KHDRBS2: variants seen among roughly 807,000 people sequenced by gnomAD.
KHDRBS2 encodes the protein KH RNA binding domain containing, signal transduction associated 2.
Under a neutral mutation model 44.3 loss-of-function variants are expected in KHDRBS2, and 26 were observed. That is an observed-to-expected ratio of 0.59 (90% CI 0.43 to 0.81). The LOEUF is 0.81. Ranked by LOEUF, KHDRBS2 falls within the 40% of genes least tolerant of loss-of-function variation. The pLI, the probability that KHDRBS2 is intolerant of heterozygous loss-of-function variation, is 0.00. For synonymous variants in KHDRBS2, 194 were observed against 151.1 expected, an observed-to-expected ratio of 1.28 and a Z score of -2.08; for missense variants, 476 against 433.1, an observed-to-expected ratio of 1.10 and a Z score of -0.88.
the KHDRBS2 span, among the ~76,000 whole-genome samples, chr6:61,649,213 G>C: frequency 6.6e-6 from 1 of 152,092 alleles, no homozygotes; most frequent in African/African-American, 2.4e-5. Context: ...ATGGTGGGGA[G>C]TCTGTGTCAA....
intron 2 of KHDRBS2, among the ~76,000 whole-genome samples, chr6:62,169,581 C>A (rs977302479): frequency 2.8e-4 from 42 of 151,998 alleles, no homozygotes; most frequent in African/African-American, 1.0e-3. Flanking sequence ...TGGGCAGTAG[C>A]CCTTATGGAA....
intron 4 of KHDRBS2, among the ~76,000 whole-genome samples, chr6:61,958,212 C>G (rs184383092): frequency 6.6e-6 from 1 of 152,218 alleles, no homozygotes; most frequent in East Asian, 1.9e-4. Flanking sequence ...TTCTTAATTT[C>G]TTTGTGGACA....
chr6:61,942,782 G>T lies in KHDRBS2; in HGVS notation c.483+35284C>A, dbSNP rs755733028. On this transcript the variant is annotated intron_variant, in intron 4 of 8. Transcript: ENST00000281156. ...CTCTACAGCATCTTGAAGTCAAACT[G>T]CTTAAAGTGAAAAACAAAGAGAGAA... Among the ~76,000 whole-genome samples, 265 of 152,082 alleles carry T rather than the reference G, an allele frequency of 1.7e-3. 1 individual carries two copies. Among genetic ancestry groups the T allele is most frequent in the Non-Finnish European group, 2.7e-3 (182 of 67,956 alleles).
intron 2 of KHDRBS2, among the ~76,000 whole-genome samples, chr6:62,098,065 C>T (rs1237778009): frequency 1.3e-5 from 2 of 151,998 alleles, no homozygotes; most frequent in Non-Finnish European, 2.9e-5. Context: ...TTTTAATGTT[C>T]AACTTTACAT....
the KHDRBS2 span, among the ~76,000 whole-genome samples, chr6:61,657,526 T>C: frequency 8.6e-5 from 13 of 151,966 alleles, no homozygotes; most frequent in Non-Finnish European, 1.8e-4. Flanking sequence ...GTTTTTGTGA[T>C]CTTTTCACTG....
intron 6 of KHDRBS2, among the ~76,000 whole-genome samples, chr6:61,737,926 G>T (rs1273387586): frequency 6.6e-6 from 1 of 151,950 alleles, no homozygotes; most frequent in Non-Finnish European, 1.5e-5. Flanking sequence ...AATATGCATT[G>T]TGCTGATGAT....
intron 2 of KHDRBS2, among the ~76,000 whole-genome samples, chr6:62,093,579 A>G (rs896815547): frequency 2.0e-5 from 3 of 152,030 alleles, no homozygotes; most frequent in East Asian, 3.9e-4. Context: ...CTACTATGCA[A>G]TGGAACACCA....
intron 2 of KHDRBS2, among the ~76,000 whole-genome samples, chr6:62,049,034 T>C (rs1354698374): frequency 2.6e-5 from 4 of 151,848 alleles, no homozygotes; most frequent in African/African-American, 4.8e-5. Flanking sequence ...AAATACACCA[T>C]AGTTAATGGT....
intron 4 of KHDRBS2, among the ~76,000 whole-genome samples, chr6:61,946,240 A>G (rs527603431): frequency 2.6e-5 from 4 of 152,366 alleles, no homozygotes; most frequent in African/African-American, 9.6e-5. Flanking sequence ...TAGGTCCACA[A>G]TGAATTAATC....
intron 1 of KHDRBS2, among the ~76,000 whole-genome samples, chr6:62,269,725 C>A (rs1238085790): frequency 1.3e-5 from 2 of 151,896 alleles, no homozygotes; most frequent in South Asian, 2.1e-4. Context: ...GCTCTAAGAC[C>A]CAGCAATTAC....
chr6:61,967,448 T>C (rs1045009419), intron 4 of KHDRBS2, among the ~76,000 whole-genome samples: 2 of 151,888 alleles, frequency 1.3e-5, no homozygotes, highest in Non-Finnish European at 2.9e-5. Flanking sequence ...GATTGATAGA[T>C]TGATATAGAT....
intron 4 of KHDRBS2, among the ~76,000 whole-genome samples, chr6:61,950,660 C>T (rs991250252): frequency 3.3e-5 from 5 of 151,976 alleles, no homozygotes; most frequent in Non-Finnish European, 7.4e-5. Flanking sequence ...CTTTACAAGA[C>T]TTACAATGCA....
At chr6:61,736,031 A>G (rs1775266035) in intron 6 of KHDRBS2, among the ~76,000 whole-genome samples, 2 of 151,016 alleles carry the variant, frequency 1.3e-5, no homozygotes, top group South Asian at 4.2e-4. Context: ...TGGGTGCTCA[A>G]TGAGCTCTTT....
chr6:62,174,509 G>T (rs1025508978), intron 2 of KHDRBS2, among the ~76,000 whole-genome samples: 5 of 151,552 alleles, frequency 3.3e-5, no homozygotes, highest in Non-Finnish European at 5.9e-5. Flanking sequence ...TTCTTAAAGA[G>T]CATTTTTATA....
the KHDRBS2 span, among the ~76,000 whole-genome samples, chr6:61,649,424 T>C: frequency 1.3e-5 from 2 of 152,294 alleles, no homozygotes; most frequent in African/African-American, 4.8e-5. Context: ...TTTGGGCTAG[T>C]GGGTGTCAGC....
intron 2 of KHDRBS2, among the ~76,000 whole-genome samples, chr6:62,096,925 G>A (rs1800740510): frequency 6.6e-6 from 1 of 151,776 alleles, no homozygotes. Context: ...ATTTGGGAAG[G>A]ATGTGTTTCC....
chr6:62,072,154 G>A (rs1197736464), intron 2 of KHDRBS2, among the ~76,000 whole-genome samples: 1 of 152,074 alleles, frequency 6.6e-6, no homozygotes, highest in East Asian at 1.9e-4. Flanking sequence ...TCTGTTATTG[G>A]TGTATAAGAG....
chr6:62,048,343 C>T (rs1271846480), intron 2 of KHDRBS2, among the ~76,000 whole-genome samples: 1 of 151,808 alleles, frequency 6.6e-6, no homozygotes, highest in Non-Finnish European at 1.5e-5. Context: ...AAGGCTTTTT[C>T]TCTCAAACTA....
At chr6:62,196,039 G>GT (rs1825625456) in intron 1 of KHDRBS2, among the ~76,000 whole-genome samples, 1 of 152,114 alleles carries the variant, frequency 6.6e-6, no homozygotes, top group Non-Finnish European at 1.5e-5. Context: ...CCCATTCTGG[G>GT]TGAGTGAGTG....
Sources: allele counts gnomAD v4.1 joint callset (sites outside exome capture counted in the v4.1 genomes callset), GRCh38; gene constraint gnomAD v4.1.1; transcripts MANE v1.5; gene names NCBI Gene and HGNC (gene_info 2026-07-23, HGNC 2026-07-21).